Variants in BLTP1 observed in about 807,000 individuals in gnomAD.
The protein encoded by BLTP1 is fragile site-associated protein.
At chr4:122,294,526 G>C in the BLTP1 span, among the ~76,000 whole-genome samples, 1 of 152,158 alleles carries the variant, frequency 6.6e-6, no homozygotes, top group Non-Finnish European at 1.5e-5. Context: ...CAGCCCTACA[G>C]AAGAGTGGCC....
chr4:122,267,278 C>T, the BLTP1 span, among the ~76,000 whole-genome samples: 1 of 151,732 alleles, frequency 6.6e-6, no homozygotes, highest in African/African-American at 2.4e-5. Flanking sequence ...CCAGGATGGT[C>T]TTGAACTCCT....
the BLTP1 span, among the ~76,000 whole-genome samples, chr4:122,319,786 G>A: frequency 4.1e-4 from 62 of 152,028 alleles, no homozygotes; most frequent in African/African-American, 1.4e-3. Flanking sequence ...TGATCCACCC[G>A]CCTTGGCCTC....
the BLTP1 span, among the ~76,000 whole-genome samples, chr4:122,244,265 T>A: frequency 2.0e-5 from 3 of 152,072 alleles, no homozygotes; most frequent in East Asian, 3.9e-4. Context: ...ATTGGAGTTG[T>A]CCCTCCATAT....
the BLTP1 span, chr4:122,196,913 A>G: frequency 9.4e-6 from 5 of 529,478 alleles, no homozygotes; most frequent in South Asian, 2.3e-4. Context: ...TTCCCTTGAA[A>G]TAATTTTATG....
the BLTP1 span, chr4:122,347,799 T>C: frequency 6.4e-7 from 1 of 1,574,510 alleles, no homozygotes; most frequent in Non-Finnish European, 8.7e-7. Flanking sequence ...CTCTTTTTGT[T>C]ATCAGTAGCC....
chr4:122,289,073 A>T, the BLTP1 span: 1 of 1,604,990 alleles, frequency 6.2e-7, no homozygotes, highest in South Asian at 1.1e-5. Flanking sequence ...ATCTAATATG[A>T]TTTTGTCTGG....
the BLTP1 span, chr4:122,180,214 A>T: frequency 2.0e-6 from 2 of 981,610 alleles, no homozygotes; most frequent in Non-Finnish European, 2.4e-6. Context: ...GACTTAAGGC[A>T]AGAATTTTAA....
the BLTP1 span, chr4:122,187,580 A>G: frequency 7.0e-7 from 1 of 1,432,974 alleles, no homozygotes. Context: ...TTTTGCAAAT[A>G]TGATTTTAAT....
At chr4:122,270,468 T>C in the BLTP1 span, 2 of 469,854 alleles carry the variant, frequency 4.3e-6, no homozygotes, top group Non-Finnish European at 5.6e-6. Context: ...TGAAAATCTT[T>C]AGATAAGCAG....
At chr4:122,342,292 A>G in the BLTP1 span, among the ~76,000 whole-genome samples, 1 of 152,168 alleles carries the variant, frequency 6.6e-6, no homozygotes, top group Non-Finnish European at 1.5e-5. Context: ...AGTCAGGAGT[A>G]GGAAGGATGA....
the BLTP1 span, chr4:122,225,018 A>T: frequency 2.0e-6 from 2 of 1,003,776 alleles, no homozygotes; most frequent in South Asian, 3.1e-5. Context: ...CATTGTTGGA[A>T]AAATCTTATT....
chr4:122,184,241 C>T, the BLTP1 span, among the ~76,000 whole-genome samples: 2 of 152,146 alleles, frequency 1.3e-5, no homozygotes, highest in South Asian at 2.1e-4. Flanking sequence ...AAGAACGTGG[C>T]TCTTAGGAAT....
the BLTP1 span, among the ~76,000 whole-genome samples, chr4:122,327,504 G>A: frequency 6.6e-6 from 1 of 151,544 alleles, no homozygotes; most frequent in South Asian, 2.1e-4. Flanking sequence ...CAGAGAGCCG[G>A]CTGTATTTAC....
the BLTP1 span, among the ~76,000 whole-genome samples, chr4:122,275,196 T>C: frequency 4.2e-4 from 64 of 152,032 alleles, no homozygotes; most frequent in African/African-American, 9.7e-5. Flanking sequence ...AAGGGGTTAT[T>C]ATTATGTATT....
chr4:122,355,867 T>C, the BLTP1 span: 158 of 1,612,910 alleles, frequency 9.8e-5, no homozygotes, highest in South Asian at 1.3e-4. Flanking sequence ...TTCTAGTTTG[T>C]TGAGTGGATT....
At chr4:122,263,322 A>G in the BLTP1 span, 2 of 1,419,658 alleles carry the variant, frequency 1.4e-6, no homozygotes, top group Non-Finnish European at 1.8e-6. Context: ...TGCAGTGAGA[A>G]TTCAAAACCA....
chr4:122,269,475 G>T, the BLTP1 span: 2 of 984,828 alleles, frequency 2.0e-6, no homozygotes. Flanking sequence ...CTACTAACGC[G>T]CCAGCTCCGA....
chr4:122,329,250 C>T, the BLTP1 span, among the ~76,000 whole-genome samples: 1 of 151,592 alleles, frequency 6.6e-6, no homozygotes, highest in Non-Finnish European at 1.5e-5. Context: ...GAATTCTAGT[C>T]TAATATGTAT....
chr4:122,260,065 G>A, the BLTP1 span: 374 of 290,632 alleles, frequency 1.3e-3, 2 homozygotes, highest in Middle Eastern at 0.02. Flanking sequence ...AAACATCATA[G>A]CCTGTACTTA....
Sources: gnomAD v4.1 joint callset for allele counts (sites outside exome capture counted in the v4.1 genomes callset) on GRCh38, gnomAD v4.1.1 for gene constraint, MANE v1.5 for transcripts, NCBI Gene and HGNC (gene_info 2026-07-23, HGNC 2026-07-21) for gene names.